Variants in GPR158 observed in about 807,000 individuals in gnomAD.
The protein encoded by GPR158 is G protein-coupled receptor 158.
GPR158 carries 30 observed loss-of-function variants against 78.2 expected under a neutral mutation model. The ratio of observed to expected loss-of-function variants is 0.38; its 90% CI spans 0.29 to 0.52. The LOEUF is 0.52. Ranked by LOEUF, GPR158 falls within the 20% of genes least tolerant of loss-of-function variation. GPR158 has a pLI of 0.83. For missense variants in GPR158, 1,463 were observed against 1,523.5 expected, an observed-to-expected ratio of 0.96 and a Z score of 0.66; for synonymous variants, 581 against 591.1, an observed-to-expected ratio of 0.98 and a Z score of 0.25.
intron 1 of GPR158, among the ~76,000 whole-genome samples, chr10:25,186,606 T>C (rs1852689812): frequency 6.6e-6 from 1 of 151,984 alleles, no homozygotes; most frequent in African/African-American, 2.4e-5. Context: ...TCTACGCAAA[T>C]AAACTAGAAA....
intron 2 of GPR158, among the ~76,000 whole-genome samples, chr10:25,278,848 G>A (rs541471763): frequency 1.3e-4 from 19 of 151,634 alleles, no homozygotes; most frequent in African/African-American, 4.1e-4. Flanking sequence ...AAAGCTTAGG[G>A]CACTTACTGT....
intron 4 of GPR158, among the ~76,000 whole-genome samples, chr10:25,428,635 G>A (rs1009333234): frequency 6.6e-6 from 1 of 152,030 alleles, no homozygotes; most frequent in East Asian, 1.9e-4. Context: ...AATATCCTAT[G>A]TGTATTTGAA....
chr10:25,402,696 G>T (rs536941988), intron 3 of GPR158, among the ~76,000 whole-genome samples: 19 of 151,978 alleles, frequency 1.3e-4, no homozygotes, highest in Admixed American at 3.3e-4. Context: ...GAATATATTG[G>T]ATTTATTTCT....
intron 2 of GPR158, among the ~76,000 whole-genome samples, chr10:25,299,109 T>C (rs16925553): frequency 0.027 from 4,055 of 152,328 alleles, 184 homozygotes; most frequent in African/African-American, 0.092. Context: ...GAATAAGTTA[T>C]CAGTATACAT....
intron 2 of GPR158, among the ~76,000 whole-genome samples, chr10:25,279,880 T>A (rs1314779204): frequency 6.6e-6 from 1 of 151,842 alleles, no homozygotes; most frequent in Non-Finnish European, 1.5e-5. Flanking sequence ...CTGGTTTGGA[T>A]CCATGATCCT....
At chr10:25,263,792 T>C (rs1431676030) in intron 2 of GPR158, among the ~76,000 whole-genome samples, 1 of 151,838 alleles carries the variant, frequency 6.6e-6, no homozygotes, top group African/African-American at 2.4e-5. Context: ...TAGAAACCAG[T>C]TGGGTGTGGT....
chr10:25,409,583 C>A (rs1371871039), intron 3 of GPR158, among the ~76,000 whole-genome samples: 1 of 152,114 alleles, frequency 6.6e-6, no homozygotes, highest in Non-Finnish European at 1.5e-5. Flanking sequence ...AAACAAAACA[C>A]CTTTTAAAAA....
chr10:25,368,474 A>G (rs1179888407), intron 2 of GPR158, among the ~76,000 whole-genome samples: 2 of 151,906 alleles, frequency 1.3e-5, no homozygotes, highest in African/African-American at 4.8e-5. Flanking sequence ...GCCAATGATC[A>G]TATGGAAAAA....
Position 25,532,142 on chromosome 10 carries a change from C to T in GPR158, c.1405-18834C>T, listed in dbSNP as rs184772239. On this transcript the variant is annotated intron_variant, in intron 5 of 10. Transcript: ENST00000376351. Reference sequence around the variant, plus strand: ...AACCTGTTGTACTATATGTTTTGCACATTTTCTTTAACCAAGTTGAGAAGG... The same window carrying T: ...AACCTGTTGTACTATATGTTTTGCATATTTTCTTTAACCAAGTTGAGAAGG... Among the ~76,000 whole-genome samples the T allele has an allele frequency of 3.0e-4, 46 of 152,276 alleles. 1 individual carries two copies. The highest frequency in any genetic ancestry group is 3.4e-3 in the Middle Eastern group (1 of 294).
chr10:25,224,517 ATATT>A (rs1853346490), intron 2 of GPR158, among the ~76,000 whole-genome samples: 1 of 151,778 alleles, frequency 6.6e-6, no homozygotes, highest in Admixed American at 6.6e-5. Context: ...AAAGAATTAT[ATATT>A]TATAGCAATA....
At chr10:25,564,734 A>G (rs919345133) in intron 6 of GPR158, among the ~76,000 whole-genome samples, 7 of 152,198 alleles carry the variant, frequency 4.6e-5, no homozygotes, top group Admixed American at 6.5e-5. Flanking sequence ...GAAATGCTGC[A>G]TAGCTTTTTT....
intron 2 of GPR158, among the ~76,000 whole-genome samples, chr10:25,391,111 C>T (rs142691305): frequency 0.029 from 4,355 of 152,298 alleles, 107 homozygotes; most frequent in Non-Finnish European, 0.042. Flanking sequence ...GGAACCTCTG[C>T]CTAGATTTCA....
intron 2 of GPR158, among the ~76,000 whole-genome samples, chr10:25,236,812 A>G (rs942817994): frequency 1.3e-5 from 2 of 152,174 alleles, no homozygotes; most frequent in African/African-American, 2.4e-5. Context: ...AGAATGCTGT[A>G]CTAAAATTAT....
chr10:25,543,095 A>G (rs546493035), intron 5 of GPR158, among the ~76,000 whole-genome samples: 1 of 152,186 alleles, frequency 6.6e-6, no homozygotes, highest in Admixed American at 6.5e-5. Context: ...GGCTGTTTCT[A>G]CCACAGCAAT....
intron 7 of GPR158, among the ~76,000 whole-genome samples, chr10:25,585,064 A>G (rs1210691630): frequency 1.3e-5 from 2 of 152,248 alleles, no homozygotes; most frequent in African/African-American, 2.4e-5. Context: ...TTGGCTGTCT[A>G]TGATTGGCTG....
intron 5 of GPR158, among the ~76,000 whole-genome samples, chr10:25,490,654 G>A (rs1384038035): frequency 1.3e-5 from 2 of 148,936 alleles, no homozygotes; most frequent in African/African-American, 2.5e-5. Context: ...AGTATTCCGT[G>A]GTGTATATGT....
intron 3 of GPR158, among the ~76,000 whole-genome samples, chr10:25,405,179 A>T (rs1044287652): frequency 6.6e-6 from 1 of 152,078 alleles, no homozygotes; most frequent in Non-Finnish European, 1.5e-5. Context: ...TGGATTAGTA[A>T]AAAGATATAT....
At chr10:25,339,707 T>A (rs1418250237) in intron 2 of GPR158, among the ~76,000 whole-genome samples, 1 of 152,132 alleles carries the variant, frequency 6.6e-6, no homozygotes, top group Non-Finnish European at 1.5e-5. Context: ...GCTTTTGTCA[T>A]GAAGTGGTTG....
rs80101810 is a variant in GPR158 at position 25,205,182 on chromosome 10, T to C, written c.903-15870T>C. ...ATTAAACCTCTTTTTCTTTATAAAT[T>C]ACCAAGTTTCAGGTATGTCTTTATC... On this transcript the variant is annotated intron_variant, in intron 1 of 10. Coordinates refer to ENST00000376351, the MANE Select transcript of GPR158 (RefSeq NM_020752.3). 3.7e-3 allele frequency among the ~76,000 whole-genome samples: 557 copies of C among 152,270 alleles called. 2 individuals carry two copies. Among genetic ancestry groups the C allele is most frequent in the African/African-American group, 0.013 (522 of 41,560 alleles).
Sources: gnomAD v4.1 joint callset for allele counts (sites outside exome capture counted in the v4.1 genomes callset) on GRCh38, gnomAD v4.1.1 for gene constraint, MANE v1.5 for transcripts, NCBI Gene and HGNC (gene_info 2026-07-23, HGNC 2026-07-21) for gene names.